The following LAMB4 variants were observed in gnomAD, a reference collection of about 807,000 sequenced individuals.
The protein encoded by LAMB4 is laminin subunit beta 4.
In LAMB4, 196 loss-of-function variants were observed where a neutral mutation model predicts 199.2. That is an observed-to-expected ratio of 0.98 (90% CI 0.88 to 1.11). The LOEUF (loss-of-function observed/expected upper bound fraction) is 1.11. LAMB4 is among the 50% of genes least tolerant of loss of function. LAMB4 has a pLI of 0.00. For missense variants in LAMB4, 2,080 were observed against 2,171.2 expected, an observed-to-expected ratio of 0.96 and a Z score of 0.83; for synonymous variants, 744 against 770.6, an observed-to-expected ratio of 0.97 and a Z score of 0.57.
Position 108,078,293 on chromosome 7 carries a change from C to G in LAMB4, c.1911G>C (p.Gln637His). ...ETQSAADWTV[Q>H]IVVNPPGGSE... Reference sequence around the variant, plus strand: ...TCCCTCCAGGGGGGTTCACCACAATCTGGACAGTCCAGTCAGCTGCAGACT... The same window carrying G: ...TCCCTCCAGGGGGGTTCACCACAATGTGGACAGTCCAGTCAGCTGCAGACT... Residue 637 changes from glutamine to histidine, a missense_variant, in exon 16 of 34, where the codon CAG becomes CAC. By Grantham distance (24) the Gln-to-His change is conservative. Transcript: ENST00000388781. The G allele has an allele frequency of 6.2e-7, 1 of 1,607,702 alleles. No homozygotes were observed. Among genetic ancestry groups the G allele is most frequent in the African/African-American group, 1.3e-5 (1 of 74,996 alleles).
chr7:108,043,468 T>C (rs2035491306), intron 29 of LAMB4, among the ~76,000 whole-genome samples: 1 of 150,746 alleles, frequency 6.6e-6, no homozygotes, highest in Non-Finnish European at 1.5e-5. Flanking sequence ...ATTAAGGAAT[T>C]AAAAACCAAA....
intron 24 of LAMB4, among the ~76,000 whole-genome samples, chr7:108,056,949 C>G (rs1385356715): frequency 2.9e-5 from 4 of 136,106 alleles, no homozygotes; most frequent in Admixed American, 8.1e-5. Flanking sequence ...CCAGCACAGG[C>G]AACCAGAGTG....
At chr7:108,047,826 T>G in intron 28 of LAMB4, 82 bp downstream of exon 28, 1 of 1,109,566 alleles carries the variant, frequency 9.0e-7, no homozygotes, top group Non-Finnish European at 1.4e-6. Context: ...CACTTGGAAG[T>G]TATATGGCAG....
intron 10 of LAMB4, 44 bp downstream of exon 10, chr7:108,103,000 T>G: frequency 2.0e-6 from 3 of 1,485,396 alleles, no homozygotes; most frequent in Non-Finnish European, 2.7e-6. Context: ...AAACTGAACT[T>G]TGCTCAGACA....
chr7:108,030,742 A>G, intron 32 of LAMB4, 64 bp downstream of exon 32: 1 of 1,512,774 alleles, frequency 6.6e-7, no homozygotes, highest in Non-Finnish European at 9.1e-7. Context: ...ATCTGGGGTT[A>G]AAGAACTATC....
intron 29 of LAMB4, 27 bp downstream of exon 29, chr7:108,043,725 T>C: frequency 1.4e-6 from 2 of 1,456,050 alleles, no homozygotes; most frequent in Non-Finnish European, 1.9e-6. Flanking sequence ...AAACAAAAAC[T>C]AGTCCTAATA....
intron 10 of LAMB4, among the ~76,000 whole-genome samples, chr7:108,099,426 A>C (rs2037740934): frequency 6.6e-6 from 1 of 152,220 alleles, no homozygotes; most frequent in Non-Finnish European, 1.5e-5. Context: ...AAGTCACAAA[A>C]GGTAGCACTT....
intron 29 of LAMB4, among the ~76,000 whole-genome samples, chr7:108,039,575 T>C (rs2035350286): frequency 6.6e-6 from 1 of 151,738 alleles, no homozygotes; most frequent in Non-Finnish European, 1.5e-5. Flanking sequence ...TTCAAGTGAT[T>C]CCCCTGTCTC....
In LAMB4 at chr7:108,023,940, A is replaced by C; in HGVS notation, c.*99T>G. 9.9e-7 allele frequency: 1 copy of C among 1,011,082 alleles called. No homozygotes were observed. The highest frequency in any genetic ancestry group is 1.4e-6 in the Non-Finnish European group (1 of 711,626). 62.6% of individuals were successfully genotyped at this position (1,011,082 alleles called of 1,614,324 possible). ...AGGACAGGGTGTGGGGAAGGAAGGT[A>C]GAAGACATTGTCAGTATTTCACAGG... On this transcript the variant is annotated 3_prime_UTR_variant, in exon 34 of 34. Transcript: ENST00000388781.
chr7:108,105,168 C>T (rs2037957114), intron 8 of LAMB4, among the ~76,000 whole-genome samples: 1 of 152,096 alleles, frequency 6.6e-6, no homozygotes, highest in African/African-American at 2.4e-5. Context: ...AAACAGTTGA[C>T]ATTTATTTAG....
intron 3 of LAMB4, 137 bp downstream of exon 3, chr7:108,115,867 G>A: frequency 1.1e-6 from 1 of 912,712 alleles, no homozygotes; most frequent in South Asian, 1.8e-5. Context: ...GGATACTGAG[G>A]GACAACTGCA....
intron 15 of LAMB4, among the ~76,000 whole-genome samples, chr7:108,079,217 A>G (rs1054612919): frequency 6.6e-6 from 1 of 152,218 alleles, no homozygotes; most frequent in Admixed American, 6.5e-5. Context: ...ATGCAAACAA[A>G]TGCTTCTGCT....
chr7:108,034,210 G>T lies in LAMB4; in HGVS notation c.4816C>A (p.Gln1606Lys). The T allele has an allele frequency of 6.2e-7, 1 of 1,613,924 alleles. No individual in the cohort carries two copies. The highest frequency in any genetic ancestry group is 1.7e-5 in the Admixed American group (1 of 60,008). The change falls in exon 31 of 34, where the codon CAG becomes AAG. Residue 1606 changes from glutamine to lysine, a missense_variant and splice_region_variant. Physicochemically the swap from Gln to Lys is moderately conservative, Grantham distance 53. Transcript: ENST00000388781. The stretch of plus-strand genomic sequence containing the variant: ...TTAGTTTCAAAGAAGACAAATACCT[G>T]CAGCACATTCTTTTTTATTTTTGTT... ...NITKIKKNVL[Q>K]AENQTREMKS... is the part of the protein sequence containing the mutation.
At chr7:108,018,880 G>C (rs1208084249), downstream of LAMB4, among the ~76,000 whole-genome samples, 1 of 152,094 alleles carries the variant, frequency 6.6e-6, no homozygotes, top group Non-Finnish European at 1.5e-5. Flanking sequence ...TTTGTAAATA[G>C]CTCCCTTATG....
Position 108,023,767 on chromosome 7 carries a change from G to C in LAMB4, c.*272C>G, listed in dbSNP as rs1433408936. ...AATTTCTACTTGTTATATGGAAACTGTTATTTTTAAGTTAGGAAAGAGAAA... is the reference window on the plus strand; with the variant it reads ...AATTTCTACTTGTTATATGGAAACTCTTATTTTTAAGTTAGGAAAGAGAAA... On this transcript the variant is annotated 3_prime_UTR_variant, in exon 34 of 34. Transcript: ENST00000388781. The C allele has an allele frequency of 1.2e-5, 3 of 241,918 alleles. No homozygotes were observed. The highest frequency in any genetic ancestry group is 6.7e-5 in the African/African-American group (3 of 44,734). 15.0% of individuals were successfully genotyped at this position (241,918 alleles called of 1,614,324 possible). A position where few individuals can be genotyped will look rare whatever the true frequency, so the allele number is the denominator to read the frequency against.
downstream of LAMB4, among the ~76,000 whole-genome samples, chr7:108,019,748 G>C (rs2034650701): frequency 6.6e-6 from 1 of 152,130 alleles, no homozygotes; most frequent in South Asian, 2.1e-4. Context: ...GAGTAGAATG[G>C]ATGTCAGACA....
In LAMB4 at chr7:108,105,845, C is replaced by T. The variant is rs189715083; in HGVS notation, c.842G>A (p.Arg281Gln). The T allele has an allele frequency of 2.7e-5, 43 of 1,614,198 alleles. No homozygotes were observed. Among genetic ancestry groups the T allele is most frequent in the East Asian group, 2.0e-4 (9 of 44,888 alleles). Residue 281 changes from arginine (R) to glutamine (Q), a missense_variant, in exon 8 of 34, where the codon CGG becomes CAG. Physicochemically the swap from Arg to Gln is conservative, Grantham distance 43 (BLOSUM62 1). Transcript: ENST00000388781. Reference sequence around the variant, plus strand: ...TCCAGGAGGGCTGAAAACATCTCCCCGCATCTTCTGCATAGGGCGACATTC... The same window carrying T: ...TCCAGGAGGGCTGAAAACATCTCCCTGCATCTTCTGCATAGGGCGACATTC... ...ASECRPMQKMRGDVFSPPGMV... is the reference protein window; with the variant it reads ...ASECRPMQKMQGDVFSPPGMV...
At chr7:108,126,554 C>CCTTTT (rs780962576) in intron 1 of LAMB4, among the ~76,000 whole-genome samples, 1 of 83,530 alleles carries the variant, frequency 1.2e-5, no homozygotes, top group African/African-American at 5.0e-5. Flanking sequence ...GAATTTCTTT[C>CCTTTT]TTTTTTTTTT....
At chr7:108,036,220 G>T (rs2035225082) in intron 30 of LAMB4, among the ~76,000 whole-genome samples, 1 of 146,752 alleles carries the variant, frequency 6.8e-6, no homozygotes, top group South Asian at 2.1e-4. Context: ...ACGGAGTTTC[G>T]ATTTTGTTGC....
Sources: allele counts gnomAD v4.1 joint callset (sites outside exome capture counted in the v4.1 genomes callset), GRCh38; gene constraint gnomAD v4.1.1; transcripts MANE v1.5; gene names NCBI Gene and HGNC (gene_info 2026-07-23, HGNC 2026-07-21).